The following PARP8 variants were observed in gnomAD, a reference collection of about 807,000 sequenced individuals.
The protein encoded by PARP8 is protein mono-ADP-ribosyltransferase PARP8.
PARP8 carries 51 observed loss-of-function variants against 124.1 expected under a neutral mutation model. The ratio of observed to expected loss-of-function variants is 0.41; its 90% confidence interval spans 0.33 to 0.52. The LOEUF is 0.52. Ranked by LOEUF, PARP8 falls within the 20% of genes least tolerant of loss-of-function variation. The probability of loss-of-function intolerance (pLI) is 0.21; values close to 1 mark genes in which losing one functional copy is unlikely to be tolerated. For missense variants in PARP8, 860 were observed against 1,018.9 expected, an observed-to-expected ratio of 0.84 and a Z score of 2.12; for synonymous variants, 391 against 361.5, an observed-to-expected ratio of 1.08 and a Z score of -0.93.
intron 2 of PARP8, among the ~76,000 whole-genome samples, chr5:50,730,464 C>T (rs1464935001): frequency 1.3e-5 from 2 of 152,122 alleles, no homozygotes; most frequent in South Asian, 2.1e-4. Flanking sequence ...ACCATCAGAT[C>T]TCAAGAGAAC....
chr5:50,713,959 C>T (rs1177805910), intron 2 of PARP8, among the ~76,000 whole-genome samples: 1 of 152,026 alleles, frequency 6.6e-6, no homozygotes, highest in Non-Finnish European at 1.5e-5. Context: ...AATGTGGCCC[C>T]CCTGACATCT....
chr5:50,679,267 G>A (rs1488992286), intron 2 of PARP8, among the ~76,000 whole-genome samples: 2 of 152,018 alleles, frequency 1.3e-5, no homozygotes, highest in East Asian at 3.9e-4. Context: ...AGAGTCTAGC[G>A]ATTCTCCAGA....
At chr5:50,825,923 T>C (rs1357902584) in intron 18 of PARP8, among the ~76,000 whole-genome samples, 1 of 152,168 alleles carries the variant, frequency 6.6e-6, no homozygotes. Flanking sequence ...AACAAGATTA[T>C]AACAAAAATT....
At chr5:50,667,959 C>G in intron 1 of PARP8, 112 bp from the exon 2 acceptor site, 3 of 1,595,146 alleles carry the variant, frequency 1.9e-6, no homozygotes, top group South Asian at 2.2e-5. Flanking sequence ...TAGCCCTTGC[C>G]TTCTGCCCGG....
At chr5:50,718,554 A>C (rs1755553703) in intron 2 of PARP8, among the ~76,000 whole-genome samples, 1 of 151,926 alleles carries the variant, frequency 6.6e-6, no homozygotes. Flanking sequence ...CCGACATATG[A>C]GTGAGAATAT....
chr5:50,810,542 G>A (rs1043381614), intron 14 of PARP8, among the ~76,000 whole-genome samples: 9 of 151,990 alleles, frequency 5.9e-5, no homozygotes, highest in Non-Finnish European at 1.2e-4. Flanking sequence ...ATAACTACTT[G>A]TGTGTCTTTA....
intron 14 of PARP8, among the ~76,000 whole-genome samples, chr5:50,811,216 A>G (rs1744397463): frequency 6.6e-6 from 1 of 152,144 alleles, no homozygotes; most frequent in African/African-American, 2.4e-5. Flanking sequence ...CAGGTGTTTT[A>G]TTTAAAATAA....
intron 7 of PARP8, among the ~76,000 whole-genome samples, chr5:50,772,719 AAG>A (rs1257023579): frequency 1.3e-5 from 2 of 150,932 alleles, no homozygotes; most frequent in African/African-American, 4.9e-5. Flanking sequence ...TTTTTGAGAC[AAG>A]AGTCTTACTC....
intron 2 of PARP8, among the ~76,000 whole-genome samples, chr5:50,702,283 A>G (rs980781665): frequency 6.6e-6 from 1 of 152,176 alleles, no homozygotes; most frequent in African/African-American, 2.4e-5. Flanking sequence ...AATTGCAGTA[A>G]TTTACTTATC....
intron 2 of PARP8, among the ~76,000 whole-genome samples, chr5:50,677,218 C>T (rs1750732870): frequency 6.6e-6 from 1 of 151,364 alleles, no homozygotes; most frequent in South Asian, 2.1e-4. Context: ...TAGATATTGA[C>T]TGGGAGACCT....
At chr5:50,760,863 C>T (rs1580243821) in intron 5 of PARP8, among the ~76,000 whole-genome samples, 1 of 152,016 alleles carries the variant, frequency 6.6e-6, no homozygotes, top group Non-Finnish European at 1.5e-5. Flanking sequence ...GGATATTAAA[C>T]AAACAAAATG....
Position 50,834,748 on chromosome 5 carries a change from A to G in PARP8, c.2378-183A>G, listed in dbSNP as rs1747374227. 5 of 625,102 alleles carry G rather than the reference A, an allele frequency of 8.0e-6. No homozygotes were observed. The South Asian group carries it at 8.8e-5, about 11-fold the overall frequency. The allele number at this position is 625,102 out of a possible 1,614,324, so 38.7% of individuals were successfully genotyped here. A position where few individuals can be genotyped will look rare whatever the true frequency, so the allele number is the denominator to read the frequency against. ...TTGTTATTCAAATTATAAAGTTGTT[A>G]CATGGTCTTTCACTGTTTTTATCTA... is the stretch of plus-strand genomic sequence containing the variant. On this transcript the variant is annotated intron_variant, in intron 24 of 25. Coordinates refer to ENST00000281631, the MANE Select transcript of PARP8 (RefSeq NM_024615.4).
chr5:50,690,853 C>G (rs561514748), intron 2 of PARP8, among the ~76,000 whole-genome samples: 3 of 152,282 alleles, frequency 2.0e-5, no homozygotes, highest in African/African-American at 7.2e-5. Context: ...TTTCTTTGTT[C>G]AGTTCTCTCC....
At chr5:50,732,682 G>A (rs1390623959) in intron 2 of PARP8, among the ~76,000 whole-genome samples, 2 of 151,546 alleles carry the variant, frequency 1.3e-5, no homozygotes, top group African/African-American at 2.4e-5. Context: ...GCAGTGGCGC[G>A]ATCTTGTCTC....
intron 2 of PARP8, among the ~76,000 whole-genome samples, chr5:50,728,306 T>C (rs540931752): frequency 2.0e-5 from 3 of 152,216 alleles, no homozygotes; most frequent in Non-Finnish European, 4.4e-5. Flanking sequence ...ATTGATGCTA[T>C]TGCAATTAGA....
intron 7 of PARP8, among the ~76,000 whole-genome samples, chr5:50,765,187 AG>A (rs1378138923): frequency 6.6e-6 from 1 of 151,772 alleles, no homozygotes; most frequent in Non-Finnish European, 1.5e-5. Flanking sequence ...GCTTGAACTC[AG>A]GGGGCGGAGG....
At chr5:50,769,963 A>G (rs1761436356) in intron 7 of PARP8, among the ~76,000 whole-genome samples, 1 of 152,120 alleles carries the variant, frequency 6.6e-6, no homozygotes, top group Non-Finnish European at 1.5e-5. Context: ...AATAAGTTTT[A>G]CACACAATTT....
chr5:50,720,816 C>T (rs1343067299), intron 2 of PARP8, among the ~76,000 whole-genome samples: 1 of 152,018 alleles, frequency 6.6e-6, no homozygotes, highest in East Asian at 1.9e-4. Context: ...TCCTCCTCTT[C>T]CCCTTACCAT....
At chr5:50,786,865 A>G (rs1264785208) in intron 9 of PARP8, among the ~76,000 whole-genome samples, 1 of 151,952 alleles carries the variant, frequency 6.6e-6, no homozygotes, top group Non-Finnish European at 1.5e-5. Flanking sequence ...CTCTGTTCCA[A>G]ATTTATATCT....
Sources: allele counts gnomAD v4.1 joint callset (sites outside exome capture counted in the v4.1 genomes callset), GRCh38; gene constraint gnomAD v4.1.1; transcripts MANE v1.5; gene names NCBI Gene and HGNC (gene_info 2026-07-23, HGNC 2026-07-21).